The following NAALADL2 variants were observed in gnomAD, a reference collection of about 807,000 sequenced individuals.
The protein encoded by NAALADL2 is N-acetylated alpha-linked acidic dipeptidase like 2.
A neutral mutation model predicts 87.2 loss-of-function variants in NAALADL2; 76 were observed. The observed-to-expected ratio is 0.87, with a 90% CI of 0.72 to 1.05. The LOEUF (loss-of-function observed/expected upper bound fraction) is 1.05. Among genes scored for constraint, NAALADL2 ranks in the 50% least tolerant of loss-of-function variants. The probability of loss-of-function intolerance (pLI) is 0.00; values close to 1 mark genes in which losing one functional copy is unlikely to be tolerated. For synonymous variants in NAALADL2, 354 were observed against 331.0 expected (o/e 1.07, Z -0.75); for missense variants, 1,089 against 945.8 (o/e 1.15, Z -1.99).
chr3:175,326,039 C>T (rs867530823), intron 5 of NAALADL2, among the ~76,000 whole-genome samples: 1 of 152,280 alleles, frequency 6.6e-6, no homozygotes, highest in Middle Eastern at 3.4e-3. Context: ...AAACATTTTT[C>T]ACTTCTTTCA....
chr3:175,437,862 T>C (rs1363357375), intron 5 of NAALADL2, among the ~76,000 whole-genome samples: 1 of 151,992 alleles, frequency 6.6e-6, no homozygotes, highest in African/African-American at 2.4e-5. Context: ...GGAATATTGC[T>C]TTCCACTCCC....
At chr3:174,979,917 T>C (rs918291575) in intron 1 of NAALADL2, among the ~76,000 whole-genome samples, 1 of 152,110 alleles carries the variant, frequency 6.6e-6, no homozygotes, top group Non-Finnish European at 1.5e-5. Context: ...TGACTCCCCA[T>C]TACCACCATG....
chr3:174,789,617 C>T (rs1489834114), intron 3 of NAALADL2, among the ~76,000 whole-genome samples: 1 of 152,058 alleles, frequency 6.6e-6, no homozygotes, highest in Non-Finnish European at 1.5e-5. Context: ...AAAACTAGAA[C>T]ATGTTTTTAA....
intron 2 of NAALADL2, among the ~76,000 whole-genome samples, chr3:175,122,058 A>G (rs1472639287): frequency 6.6e-6 from 1 of 151,906 alleles, no homozygotes; most frequent in African/African-American, 2.4e-5. Flanking sequence ...GATTAAAGTC[A>G]GCTCTATATT....
At chr3:175,578,474 C>G (rs1279248523) in intron 10 of NAALADL2, among the ~76,000 whole-genome samples, 1 of 152,068 alleles carries the variant, frequency 6.6e-6, no homozygotes, top group Non-Finnish European at 1.5e-5. Flanking sequence ...ATATCTACCA[C>G]TTATTGCTTA....
intron 1 of NAALADL2, among the ~76,000 whole-genome samples, chr3:175,049,660 G>T (rs1325596173): frequency 6.6e-6 from 1 of 152,120 alleles, no homozygotes; most frequent in Non-Finnish European, 1.5e-5. Flanking sequence ...TTTTCCTGAT[G>T]AGGTTTTATC....
chr3:175,097,146 A>G lies in NAALADL2; in HGVS notation c.400A>G (p.Ile134Val). ...HVLKILCTAT[I>V]LFIFGILIGY... ...CTTAAAAATACTTTGCACAGCCACC[A>G]TTTTATTTATTTTTGGGATTTTGAT... Residue 134 changes from isoleucine to valine, a missense_variant, in exon 2 of 14, where the codon ATT becomes GTT. Transcript: ENST00000454872. 6.2e-7 allele frequency: 1 copy of G among 1,613,760 alleles called. No individual in the cohort carries two copies.
At chr3:175,472,683 T>C (rs1725077694) in intron 9 of NAALADL2, among the ~76,000 whole-genome samples, 1 of 152,196 alleles carries the variant, frequency 6.6e-6, no homozygotes, top group African/African-American at 2.4e-5. Flanking sequence ...TCATAAAGTA[T>C]TTTTAGCTTA....
rs1376424651 is a variant in NAALADL2, at chr3:175,599,598, G to T, written c.1800+23411G>T. 2.0e-5 allele frequency among the ~76,000 whole-genome samples: 3 copies of T among 152,098 alleles called. No individual in the cohort carries two copies. In the East Asian group the frequency reaches 5.8e-4, roughly 29 times the overall value. On this transcript the variant is annotated intron_variant, in intron 10 of 13. Coordinates refer to ENST00000454872, the MANE Select transcript of NAALADL2 (RefSeq NM_207015.3). ...TCCAACTCTAAGTTATATTCTATTT[G>T]TGTTAACATTCAGGCTTCTTCATCC...
At chr3:174,550,254 T>G (rs1053291594) in intron 1 of NAALADL2, among the ~76,000 whole-genome samples, 4 of 152,042 alleles carry the variant, frequency 2.6e-5, no homozygotes, top group Non-Finnish European at 2.9e-5. Flanking sequence ...GGTTTCCTAG[T>G]GACAAATGTT....
chr3:174,533,665 T>C (rs1361844930), intron 1 of NAALADL2, among the ~76,000 whole-genome samples: 1 of 151,552 alleles, frequency 6.6e-6, no homozygotes, highest in Admixed American at 6.6e-5. Context: ...AAGTGTCTAA[T>C]TGGAGCATAG....
At chr3:175,535,673 G>A (rs1734718242) in intron 9 of NAALADL2, among the ~76,000 whole-genome samples, 1 of 152,140 alleles carries the variant, frequency 6.6e-6, no homozygotes, top group Admixed American at 6.5e-5. Context: ...GTGAGAAAGG[G>A]ATAATAGCAG....
chr3:175,104,120 AC>A (rs1722700127), intron 2 of NAALADL2, among the ~76,000 whole-genome samples: 1 of 151,844 alleles, frequency 6.6e-6, no homozygotes, highest in Non-Finnish European at 1.5e-5. Flanking sequence ...CCCTTTCCAC[AC>A]CTGCCACCCA....
intron 4 of NAALADL2, among the ~76,000 whole-genome samples, chr3:175,276,123 C>T (rs761394516): frequency 1.1e-4 from 15 of 135,618 alleles, no homozygotes; most frequent in Non-Finnish European, 2.2e-4. Flanking sequence ...GCTAAGTATA[C>T]ATAAGAACAT....
Position 175,319,092 on chromosome 3 carries a change from T to G in NAALADL2, c.940-5083T>G, listed in dbSNP as rs1581399293. On this transcript the variant is annotated intron_variant, in intron 4 of 13. Coordinates refer to ENST00000454872, the MANE Select transcript of NAALADL2 (RefSeq NM_207015.3). ...TTAGACTCTCCCTCCCCCACATGGG[T>G]GGGGGTGAGGATTTGAAGAGTAAGT... 3.3e-5 allele frequency among the ~76,000 whole-genome samples: 5 copies of G among 152,300 alleles called. No individual in the cohort carries two copies. The South Asian group carries it at 1.0e-3, about 32-fold the overall frequency.
At chr3:174,848,409 C>T (rs1267718876) in intron 3 of NAALADL2, among the ~76,000 whole-genome samples, 1 of 152,080 alleles carries the variant, frequency 6.6e-6, no homozygotes, top group Non-Finnish European at 1.5e-5. Context: ...TATTTGAAAT[C>T]TCTTTTGCCA....
At chr3:174,947,729 GAC>G (rs745682640) in intron 1 of NAALADL2, among the ~76,000 whole-genome samples, 19 of 150,474 alleles carry the variant, frequency 1.3e-4, no homozygotes, top group South Asian at 2.1e-4. Flanking sequence ...TATATATACA[GAC>G]ACACACACAC....
At chr3:174,749,793 A>C (rs1230723597) in intron 3 of NAALADL2, among the ~76,000 whole-genome samples, 2 of 152,144 alleles carry the variant, frequency 1.3e-5, no homozygotes, top group Non-Finnish European at 2.9e-5. Context: ...CATACCTAAG[A>C]TGTAATTTTC....
In NAALADL2 at chr3:175,271,558, G is replaced by A. The variant is rs539819139; in HGVS notation, c.939+15028G>A. ...TGTAATCCCAGCACTTTGGCAGGCC[G>A]AGGTGGGTGGATCACCTGAGGTCAG... On this transcript the variant is annotated intron_variant, in intron 4 of 13. Transcript: ENST00000454872. 1.1e-4 allele frequency among the ~76,000 whole-genome samples: 16 copies of A among 152,284 alleles called. No individual in the cohort carries two copies. The South Asian group carries it at 1.7e-3, about 16-fold the overall frequency.
Sources: gnomAD v4.1 joint callset for allele counts (sites outside exome capture counted in the v4.1 genomes callset) on GRCh38, gnomAD v4.1.1 for gene constraint, MANE v1.5 for transcripts, NCBI Gene and HGNC (gene_info 2026-07-23, HGNC 2026-07-21) for gene names.